GPATCH1: variants seen among roughly 807,000 people sequenced by gnomAD.
GPATCH1 encodes the protein G-patch domain containing 1, also known as G patch domain-containing protein 1.
In GPATCH1, 73 loss-of-function variants were observed where a neutral mutation model predicts 114.9. The observed-to-expected ratio is 0.64, with a 90% confidence interval of 0.53 to 0.77. The LOEUF (loss-of-function observed/expected upper bound fraction) is 0.77. Among genes scored for constraint, GPATCH1 ranks in the 30% least tolerant of loss-of-function variants. The pLI, the probability that GPATCH1 is intolerant of heterozygous loss-of-function variation, is 0.00. For missense variants in GPATCH1, 1,058 were observed against 1,144.3 expected (o/e 0.92, Z 1.09); for synonymous variants, 391 against 428.4 (o/e 0.91, Z 1.08).
intron 17 of GPATCH1, among the ~76,000 whole-genome samples, chr19:33,120,709 G>T (rs990953402): frequency 6.6e-6 from 1 of 151,868 alleles, no homozygotes; most frequent in Non-Finnish European, 1.5e-5. Context: ...AAAAAAAAAG[G>T]GTGGGCACGG....
intron 2 of GPATCH1, 116 bp downstream of exon 2, chr19:33,088,384 G>A (rs904781767): frequency 1.1e-4 from 82 of 761,706 alleles, no homozygotes; most frequent in Admixed American, 5.9e-4. Flanking sequence ...TCGCTCTGTC[G>A]CCCAGGCTGG....
chr19:33,092,781 G>A (rs550053164), intron 3 of GPATCH1, among the ~76,000 whole-genome samples: 30 of 152,300 alleles, frequency 2.0e-4, no homozygotes, highest in African/African-American at 5.8e-4. Flanking sequence ...GAAGAACACG[G>A]CCATTACTTC....
chr19:33,092,497 G>A (rs1160615046), intron 3 of GPATCH1, among the ~76,000 whole-genome samples: 1 of 152,132 alleles, frequency 6.6e-6, no homozygotes, highest in Non-Finnish European at 1.5e-5. Flanking sequence ...GCTTAGATAA[G>A]ACACAAAGCC....
rs1351022619 is a variant in GPATCH1 at position 33,094,165 on chromosome 19, A to G, written c.456-7A>G. 1.2e-5 allele frequency: 18 copies of G among 1,450,810 alleles called. No individual in the cohort carries two copies. Among genetic ancestry groups the G allele is most frequent in the South Asian group, 3.4e-5 (3 of 87,806 alleles). The allele number at this position is 1,450,810 out of a possible 1,614,324, so 89.9% of individuals were successfully genotyped here. On this transcript the variant is annotated splice_polypyrimidine_tract_variant and splice_region_variant and intron_variant, in intron 4 of 19. Coordinates refer to ENST00000170564, the MANE Select transcript of GPATCH1 (RefSeq NM_018025.3). ...AAAAGTTCATTTTCAATGCCTTGCT[A>G]TCCTAGATTATCTGTTGGTTTCGAA...
intron 8 of GPATCH1, among the ~76,000 whole-genome samples, chr19:33,101,265 G>C (rs1972722791): frequency 6.6e-6 from 1 of 152,162 alleles, no homozygotes; most frequent in African/African-American, 2.4e-5. Context: ...CTTGTGACCT[G>C]GGTAGCCCAA....
chr19:33,113,907 A>T lies in GPATCH1; in HGVS notation c.2029+4A>T, dbSNP rs1332156223. ...TCACAGCACCGAGGTCCCGACAGTG[A>T]GTAGGGCGTCCCCGGGGTCTCTGAT... is the stretch of plus-strand genomic sequence containing the variant. On this transcript the variant is annotated splice_donor_region_variant and intron_variant, in intron 14 of 19. Transcript: ENST00000170564. 5.6e-6 allele frequency: 9 copies of T among 1,613,668 alleles called. No homozygotes were observed. Among genetic ancestry groups the T allele is most frequent in the Non-Finnish European group, 7.6e-6 (9 of 1,179,788 alleles).
Position 33,115,190 on chromosome 19 carries a change from T to C in GPATCH1, c.2196+771T>C, listed in dbSNP as rs140898850. 3.7e-3 allele frequency among the ~76,000 whole-genome samples: 551 copies of C among 148,416 alleles called. 5 individuals are homozygous for C. The highest frequency in any genetic ancestry group is 0.022 in the South Asian group (100 of 4,640). ...AATCCTGCCTCAGCCTCCTGAGTAG[T>C]TGGGACTGCGGGCACACACCACCAT... On this transcript the variant is annotated intron_variant, in intron 15 of 19. Coordinates refer to ENST00000170564, the MANE Select transcript of GPATCH1 (RefSeq NM_018025.3).
intron 17 of GPATCH1, among the ~76,000 whole-genome samples, chr19:33,120,206 A>C (rs1234351909): frequency 7.1e-6 from 1 of 141,168 alleles, no homozygotes; most frequent in Non-Finnish European, 1.5e-5. Flanking sequence ...AAATATATTC[A>C]TATAAATATA....
At chr19:33,098,554 G>A (rs1972689994) in intron 8 of GPATCH1, among the ~76,000 whole-genome samples, 1 of 152,190 alleles carries the variant, frequency 6.6e-6, no homozygotes, top group African/African-American at 2.4e-5. Context: ...GAGTCAGTCA[G>A]ACCTGGGTTT....
At position 33,096,178 on chromosome 19, in the gene GPATCH1, C is replaced by T. The variant is rs771090087; in HGVS notation, c.613-29C>T. On this transcript the variant is annotated intron_variant, in intron 6 of 19. Transcript: ENST00000170564. ...GTTTACTTTGCATCCTTCAGTGACT[C>T]ACCTTAATTCCACTTTAAACGGAAA... is the stretch of plus-strand genomic sequence containing the variant. The T allele has an allele frequency of 1.6e-5, 25 of 1,605,604 alleles. 2 individuals carry two copies. The South Asian group carries it at 2.8e-4, about 18-fold the overall frequency.
rs1318346599 is a variant in GPATCH1, at chr19:33,097,692, T to C, written c.853-63T>C. 4.8e-6 allele frequency: 7 copies of C among 1,443,310 alleles called. No homozygotes were observed. In the Admixed American group the frequency reaches 1.2e-4, roughly 26 times the overall value. 89.4% of individuals were successfully genotyped at this position (1,443,310 alleles called of 1,614,324 possible). ...CAATCACATCCTTAAAGTAGCTTTA[T>C]CCCTGAAGATCCCAGACATACCCTA... is the stretch of plus-strand genomic sequence containing the variant. On this transcript the variant is annotated intron_variant, in intron 7 of 19. Transcript: ENST00000170564.
At position 33,101,707 on chromosome 19, in the gene GPATCH1, T is replaced by C. The variant is rs116409915; in HGVS notation, c.1080+133T>C. ...TTTCAAAAAACAACAGCCTGGTTACTAGTGATTGTCTAGAAAAACATTCTA... is the reference window on the plus strand; with the variant it reads ...TTTCAAAAAACAACAGCCTGGTTACCAGTGATTGTCTAGAAAAACATTCTA... On this transcript the variant is annotated intron_variant, in intron 9 of 19. Transcript: ENST00000170564. 2.4e-3 allele frequency: 1,471 copies of C among 610,978 alleles called. 18 individuals are homozygous for C. In the African/African-American group the frequency reaches 0.026, roughly 11 times the overall value. The allele number at this position is 610,978 out of a possible 1,614,324, so 37.8% of individuals were successfully genotyped here.
At chr19:33,111,687 G>A in intron 11 of GPATCH1, 37 bp from the exon 12 acceptor site, 1 of 1,603,760 alleles carries the variant, frequency 6.2e-7, no homozygotes. Context: ...ATGTTTTCCT[G>A]AAAAGTGAAG....
intron 8 of GPATCH1, chr19:33,100,197 C>G (rs1290274893): frequency 6.6e-6 from 1 of 151,850 alleles, no homozygotes; most frequent in Non-Finnish European, 1.5e-5. Context: ...AACTCATAAA[C>G]ATGAAATTTC....
rs752001015 is a variant in GPATCH1 at position 33,111,797 on chromosome 19, G to C, written c.1659G>C (p.Arg553=). Reference sequence around the variant, plus strand: ...GCCGTGAGCGGGATGAGTTTGCCCGGGCGGCCCTGCTGTACGCATCTTCCC... The same window carrying C: ...GCCGTGAGCGGGATGAGTTTGCCCGCGCGGCCCTGCTGTACGCATCTTCCC... The part of the protein sequence containing the change: ...ERGRERDEFA[R]AALLYASSHS... The change falls in exon 12 of 20, where the codon CGG becomes CGC. Residue 553 remains arginine (R), a synonymous_variant. Coordinates refer to ENST00000170564, the MANE Select transcript of GPATCH1 (RefSeq NM_018025.3). The C allele has an allele frequency of 9.3e-6, 15 of 1,613,940 alleles. No individual in the cohort carries two copies. The highest frequency in any genetic ancestry group is 2.7e-5 in the African/African-American group (2 of 74,894).
chr19:33,118,747 C>T lies in GPATCH1; in HGVS notation c.2414-263C>T, dbSNP rs551793900. On this transcript the variant is annotated intron_variant, in intron 16 of 19. Coordinates refer to ENST00000170564, the MANE Select transcript of GPATCH1 (RefSeq NM_018025.3). ...TTCAGGTCTTAGGGGCGCTAGGCTA[C>T]GTGCCCACGGGTGCACTTGGCACGC... is the stretch of plus-strand genomic sequence containing the variant. Among the ~76,000 whole-genome samples the T allele has an allele frequency of 6.6e-5, 10 of 152,296 alleles. 1 individual carries two copies. The highest frequency in any genetic ancestry group is 2.1e-4 in the South Asian group (1 of 4,834).
chr19:33,128,556 G>A (rs531988556), intron 19 of GPATCH1, among the ~76,000 whole-genome samples: 2 of 152,188 alleles, frequency 1.3e-5, no homozygotes, highest in East Asian at 3.9e-4. Context: ...CACCACACCC[G>A]GCCTAAAAAA....
At chr19:33,120,170 A>G (rs1417138202) in intron 17 of GPATCH1, among the ~76,000 whole-genome samples, 3 of 140,868 alleles carry the variant, frequency 2.1e-5, no homozygotes, top group African/African-American at 5.2e-5. Flanking sequence ...TAAAATAAAT[A>G]TATATTCATA....
chr19:33,097,982 A>T, intron 8 of GPATCH1, 80 bp downstream of exon 8: 1 of 1,268,852 alleles, frequency 7.9e-7, no homozygotes, highest in Non-Finnish European at 1.1e-6. Context: ...GCGATACAGG[A>T]GCACCAGCCT....
Sources: gnomAD v4.1 joint callset for allele counts (sites outside exome capture counted in the v4.1 genomes callset) on GRCh38, gnomAD v4.1.1 for gene constraint, MANE v1.5 for transcripts, NCBI Gene and HGNC (gene_info 2026-07-23, HGNC 2026-07-21) for gene names.